The following SRGAP3 variants were observed in gnomAD, a reference collection of about 807,000 sequenced individuals.
The protein encoded by SRGAP3 is SLIT-ROBO Rho GTPase activating protein 3.
Under a neutral mutation model 121.1 loss-of-function variants are expected in SRGAP3, and 39 were observed. That is an observed-to-expected ratio of 0.32 (90% CI 0.25 to 0.42). SRGAP3 has a LOEUF of 0.42. Among genes scored for constraint, SRGAP3 ranks in the 10% least tolerant of loss-of-function variants. The pLI, the probability that SRGAP3 is intolerant of heterozygous loss-of-function variation, is 1.00. For missense variants in SRGAP3, 1,213 were observed against 1,470.6 expected (o/e 0.82, Z 2.86); for synonymous variants, 601 against 570.0 (o/e 1.05, Z -0.77).
rs1342340047 is a variant in SRGAP3, at chr3:8,985,607, C to T, written c.3212G>A (p.Ser1071Asn). The T allele has an allele frequency of 1.3e-6, 2 of 1,597,602 alleles. No individual in the cohort carries two copies. Among genetic ancestry groups the T allele is most frequent in the Admixed American group, 1.7e-5 (1 of 59,904 alleles). The part of the protein sequence containing the change: ...RPVVQHRSSS[S>N]SSSGVGSPAV... The stretch of plus-strand genomic sequence containing the variant: ...CGGGCTGCCCACGCCCGAGCTGCTG[C>T]TGCTGCTGGACCGGTGCTGGACCAC... Residue 1071 changes from serine (S) to asparagine (N), a missense_variant, in exon 22 of 22, where the codon AGC becomes AAC. This residue lies in a region of SRGAP3 where 420 missense variants were observed against 437.7 expected (regional missense o/e 0.96). Transcript: ENST00000383836. The surrounding 1 kb of genome is among the most constrained non-coding windows in gnomAD (Gnocchi z 5.1).
chr3:9,237,599 T>G (rs531957004), intron 1 of SRGAP3, among the ~76,000 whole-genome samples: 5 of 152,264 alleles, frequency 3.3e-5, no homozygotes, highest in Admixed American at 3.3e-4. Context: ...AAGGAGCCAA[T>G]CAAGTGGCAA....
chr3:9,257,343 AAC>A (rs146626590), intron 3 of SRGAP3: 51,219 of 151,904 alleles, frequency 0.34, 9,756 homozygotes, highest in Admixed American at 0.46. Flanking sequence ...CACCAAAGCG[AAC>A]TCTCTCTCTT....
chr3:9,312,145 G>T (rs980988666), intron 3 of SRGAP3, among the ~76,000 whole-genome samples: 1 of 151,960 alleles, frequency 6.6e-6, no homozygotes, highest in African/African-American at 2.4e-5. Flanking sequence ...GTTGTTTTTT[G>T]TTGTTGTTGT....
At chr3:9,083,076 A>G (rs148131235) in intron 3 of SRGAP3, among the ~76,000 whole-genome samples, 1 of 152,238 alleles carries the variant, frequency 6.6e-6, no homozygotes, top group East Asian at 1.9e-4. Context: ...CCAATTAGCT[A>G]TCCCCATTTC....
intron 15 of SRGAP3, 145 bp from the exon 16 acceptor site, chr3:9,013,987 G>T: frequency 1.3e-6 from 1 of 766,524 alleles, no homozygotes; most frequent in Admixed American, 2.0e-5. Context: ...GGTGATCCTG[G>T]CCTGGCCAAT....
chr3:9,027,061 A>C, intron 12 of SRGAP3, 66 bp from the exon 13 acceptor site: 1 of 1,443,104 alleles, frequency 6.9e-7, no homozygotes, highest in East Asian at 2.3e-5. Context: ...AGACATTGCA[A>C]ACACCGATTA....
At chr3:9,012,313 G>T (rs1434876300) in intron 17 of SRGAP3, among the ~76,000 whole-genome samples, 1 of 152,218 alleles carries the variant, frequency 6.6e-6, no homozygotes, top group Admixed American at 6.5e-5. Flanking sequence ...GGCAGTGTGG[G>T]TAATACCTAA....
At chr3:9,265,614 A>G (rs1954343997) in intron 3 of SRGAP3, among the ~76,000 whole-genome samples, 1 of 147,456 alleles carries the variant, frequency 6.8e-6, no homozygotes, top group African/African-American at 2.6e-5. Context: ...CAAACATATG[A>G]AAAAAAAAAC....
chr3:9,253,501 A>G (rs1954061290), upstream of SRGAP3, among the ~76,000 whole-genome samples: 1 of 152,240 alleles, frequency 6.6e-6, no homozygotes, highest in Non-Finnish European at 1.5e-5. Context: ...AAAAGGCTTC[A>G]TCTGAAGGAA....
At chr3:9,154,114 C>G (rs1053831594) in intron 1 of SRGAP3, among the ~76,000 whole-genome samples, 11 of 152,122 alleles carry the variant, frequency 7.2e-5, no homozygotes, top group Non-Finnish European at 1.5e-4. Context: ...GTGAATTACC[C>G]CACTGCAGCC....
At chr3:9,074,461 C>T (rs182051255) in intron 4 of SRGAP3, among the ~76,000 whole-genome samples, 34 of 152,300 alleles carry the variant, frequency 2.2e-4, no homozygotes, top group East Asian at 1.2e-3. Flanking sequence ...TCTTCCAGCA[C>T]GCAGGGCTGC....
intron 14 of SRGAP3, among the ~76,000 whole-genome samples, chr3:9,020,610 A>G (rs1943868450): frequency 6.6e-6 from 1 of 152,176 alleles, no homozygotes; most frequent in Non-Finnish European, 1.5e-5. Context: ...ACGCACACAT[A>G]CACATACACA....
chr3:8,995,172 CTT>C (rs1330237991), intron 18 of SRGAP3, among the ~76,000 whole-genome samples: 5 of 152,094 alleles, frequency 3.3e-5, no homozygotes, highest in African/African-American at 1.2e-4. Flanking sequence ...GTGCTGGTGT[CTT>C]TATAAGAGGA....
At chr3:9,348,143 T>C (rs1343106393) in intron 1 of SRGAP3, among the ~76,000 whole-genome samples, 1 of 152,230 alleles carries the variant, frequency 6.6e-6, no homozygotes, top group South Asian at 2.1e-4. Context: ...TGTGCAGTAC[T>C]AAGTCAGCTA....
rs1948532378 is a variant in SRGAP3 at position 9,109,325 on chromosome 3, A to C, written c.261-4483T>G. Reference sequence around the variant, plus strand: ...GGACCATTAACTAGGTCATCTAGCCAGAGAGATGAGATGAGAGGAAGGGCA... The same window carrying C: ...GGACCATTAACTAGGTCATCTAGCCCGAGAGATGAGATGAGAGGAAGGGCA... On this transcript the variant is annotated intron_variant, in intron 2 of 21. Coordinates refer to ENST00000383836, the MANE Select transcript of SRGAP3 (RefSeq NM_014850.4). This position sits in a 1 kb window ranked among gnomAD's most constrained non-coding sequence, Gnocchi z 4.4. Among the ~76,000 whole-genome samples, 1 of 152,198 alleles carries C rather than the reference A, an allele frequency of 6.6e-6. No homozygotes were observed. The highest frequency in any genetic ancestry group is 2.4e-5 in the African/African-American group (1 of 41,460).
intron 1 of SRGAP3, among the ~76,000 whole-genome samples, chr3:9,220,056 G>C (rs1476421741): frequency 6.6e-6 from 1 of 152,166 alleles, no homozygotes; most frequent in South Asian, 2.1e-4. Flanking sequence ...GGGAGGAAGA[G>C]AGGTTGGTTA....
At chr3:9,046,912 G>A (rs1033079519) in intron 10 of SRGAP3, among the ~76,000 whole-genome samples, 5 of 151,492 alleles carry the variant, frequency 3.3e-5, no homozygotes, top group African/African-American at 1.2e-4. Flanking sequence ...CTCACTGCAA[G>A]CTCTGCCTCC....
At chr3:9,277,878 G>A (rs1327040646) in intron 3 of SRGAP3, among the ~76,000 whole-genome samples, 2 of 152,156 alleles carry the variant, frequency 1.3e-5, no homozygotes, top group African/African-American at 2.4e-5. Context: ...TTAGGAGATA[G>A]GACCTTTGGG....
At chr3:9,307,945 A>T (rs1249156060) in intron 3 of SRGAP3, among the ~76,000 whole-genome samples, 1 of 152,260 alleles carries the variant, frequency 6.6e-6, no homozygotes, top group African/African-American at 2.4e-5. Flanking sequence ...ACTTAAGGTC[A>T]GGAGTTCGAG....
Sources: allele counts gnomAD v4.1 joint callset (sites outside exome capture counted in the v4.1 genomes callset), GRCh38; gene constraint gnomAD v4.1.1; regional missense constraint gnomAD v4.1.1; non-coding constraint Gnocchi (gnomAD v3.1); transcripts MANE v1.5; gene names NCBI Gene and HGNC (gene_info 2026-07-23, HGNC 2026-07-21).